Variants in DRD2 observed in about 807,000 individuals in gnomAD.
DRD2 encodes D(2) dopamine receptor.
In DRD2, 8 loss-of-function variants were observed where a neutral mutation model predicts 38.0. The ratio of observed to expected loss-of-function variants is 0.21; its 90% CI spans 0.12 to 0.38. DRD2 has a LOEUF of 0.38. DRD2 is among the 10% of genes least tolerant of loss of function. The probability of loss-of-function intolerance (pLI) is 1.00; values close to 1 mark genes in which losing one functional copy is unlikely to be tolerated. For synonymous variants in DRD2, 230 were observed against 238.6 expected, an observed-to-expected ratio of 0.96 and a Z score of 0.33; for missense variants, 403 against 607.7, an observed-to-expected ratio of 0.66 and a Z score of 3.54.
Position 113,424,604 on chromosome 11 carries a change from C to G in DRD2, c.48G>C (p.Gln16His), listed in dbSNP as rs759561000. 3 of 1,614,234 alleles carry G rather than the reference C, an allele frequency of 1.9e-6. No homozygotes were observed. The East Asian group carries it at 6.7e-5, about 36-fold the overall frequency. ...ACCCGTTGAAGGGCCGGCTCCAGTT[C>G]TGCCTCTCCAGATCATCATCATACC... ...LSWYDDDLER[Q>H]NWSRPFNGSD... Residue 16 changes from glutamine (Q) to histidine (H), a missense_variant, in exon 2 of 8, where the codon CAG (glutamine) becomes CAC (histidine). Around this residue, in one of 4 missense-constraint regions of DRD2, gnomAD observed 162 missense variants for 254.5 expected, o/e 0.64. Transcript: ENST00000362072.
At chr11:113,429,375 GCCAGGACTACAGGTGCCCGCCACCATGT>G (rs1950966417) in intron 1 of DRD2, among the ~76,000 whole-genome samples, 1 of 152,134 alleles carries the variant, frequency 6.6e-6, no homozygotes, top group South Asian at 2.1e-4. Flanking sequence ...CTCCCGAGTA[GCCAGGACTACAGGTGCCCGCCACCATGT>G]CCAGCTAATT....
intron 1 of DRD2, among the ~76,000 whole-genome samples, chr11:113,462,767 C>T (rs1951335456): frequency 6.6e-6 from 1 of 152,258 alleles, no homozygotes; most frequent in South Asian, 2.1e-4. Flanking sequence ...GCTCTACATG[C>T]TTCTGAGCAA....
intron 1 of DRD2, among the ~76,000 whole-genome samples, chr11:113,465,093 C>A (rs1397039539): frequency 6.6e-6 from 1 of 151,636 alleles, no homozygotes; most frequent in Non-Finnish European, 1.5e-5. Flanking sequence ...TCAGTTCCCC[C>A]ACATAGCAGC....
chr11:113,453,743 G>T (rs1951238920), intron 1 of DRD2, among the ~76,000 whole-genome samples: 1 of 152,166 alleles, frequency 6.6e-6, no homozygotes, highest in Admixed American at 6.5e-5. Context: ...GTCCCCCCAG[G>T]CTGGACTCCC....
chr11:113,474,321 T>G (rs1453106690), intron 1 of DRD2: 1 of 152,078 alleles, frequency 6.6e-6, no homozygotes, highest in African/African-American at 2.4e-5. Context: ...GTCTCTTGTC[T>G]CCGCATACCA....
intron 1 of DRD2, among the ~76,000 whole-genome samples, chr11:113,445,061 C>A (rs1393962436): frequency 6.6e-6 from 1 of 152,166 alleles, no homozygotes; most frequent in East Asian, 1.9e-4. Flanking sequence ...GCTGCACACT[C>A]CATCACAAGT....
chr11:113,468,851 C>A (rs577817930), intron 1 of DRD2, among the ~76,000 whole-genome samples: 5 of 152,126 alleles, frequency 3.3e-5, no homozygotes, highest in Non-Finnish European at 7.4e-5. Context: ...TCTGGCTAAT[C>A]AGCTCATTTT....
intron 6 of DRD2, chr11:113,413,344 C>T (rs118039053): frequency 2.1e-5 from 11 of 526,778 alleles, no homozygotes; most frequent in Middle Eastern, 3.1e-4. Flanking sequence ...CCTGCACCTG[C>T]GTACACACGT....
At chr11:113,436,776 T>G (rs2119834913) in intron 1 of DRD2, among the ~76,000 whole-genome samples, 1 of 152,328 alleles carries the variant, frequency 6.6e-6, no homozygotes, top group South Asian at 2.1e-4. Context: ...AATCTGCTCC[T>G]TAACCCTCAC....
At chr11:113,453,776 G>A (rs1951239247) in intron 1 of DRD2, among the ~76,000 whole-genome samples, 1 of 152,208 alleles carries the variant, frequency 6.6e-6, no homozygotes, top group South Asian at 2.1e-4. Context: ...TGGGTCACAT[G>A]ATTTTTTAAA....
At chr11:113,452,459 TGTGTGTGTGTGCGCGCGCGC>T (rs144992427) in intron 1 of DRD2, among the ~76,000 whole-genome samples, 11,854 of 110,548 alleles carry the variant, frequency 0.11, 548 homozygotes, top group African/African-American at 0.13. Flanking sequence ...TGTGTGTGTG[TGTGTGTGTGTGCGCGCGCGC>T]GCGCGCGCAC....
intron 1 of DRD2, among the ~76,000 whole-genome samples, chr11:113,453,586 A>C (rs1951236781): frequency 6.6e-6 from 1 of 152,228 alleles, no homozygotes; most frequent in African/African-American, 2.4e-5. Flanking sequence ...CTATTTATTG[A>C]ATACTTTAGA....
intron 1 of DRD2, among the ~76,000 whole-genome samples, chr11:113,455,354 T>G (rs1951259369): frequency 1.3e-5 from 2 of 152,042 alleles, no homozygotes; most frequent in Admixed American, 1.3e-4. Context: ...AGAGCAAGAC[T>G]CCATCTCAAA....
chr11:113,459,084 G>T (rs1951292946), intron 1 of DRD2, among the ~76,000 whole-genome samples: 1 of 152,226 alleles, frequency 6.6e-6, no homozygotes, highest in South Asian at 2.1e-4. Context: ...GTGTGGCCTT[G>T]ATTAACACTT....
intron 4 of DRD2, 103 bp downstream of exon 4, chr11:113,416,760 C>G: frequency 6.6e-7 from 1 of 1,515,544 alleles, no homozygotes; most frequent in Non-Finnish European, 9.0e-7. Context: ...CTCCATTGGG[C>G]CTCCACCCAT....
Position 113,413,537 on chromosome 11 carries a change from C to T in DRD2, c.811-654G>A, listed in dbSNP as rs575034946. On this transcript the variant is annotated intron_variant, in intron 6 of 7. Coordinates refer to ENST00000362072, the MANE Select transcript of DRD2 (RefSeq NM_000795.4). ...GGTGTTAGTCTGAACTTCTAAAGTG[C>T]AGCCTCACTATGTGCCTAGGTGGCA... Among the ~76,000 whole-genome samples the T allele has an allele frequency of 3.3e-5, 5 of 152,354 alleles. No homozygotes were observed. The East Asian group carries it at 9.6e-4, about 29-fold the overall frequency.
intron 1 of DRD2, among the ~76,000 whole-genome samples, chr11:113,446,989 T>C (rs754474534): frequency 1.3e-5 from 2 of 152,200 alleles, no homozygotes; most frequent in Admixed American, 6.5e-5. Flanking sequence ...ATCTGCAGTC[T>C]TGACTCCTAA....
At chr11:113,424,874 G>A (rs1442355910) in intron 1 of DRD2, 192 bp from the exon 2 acceptor site, 1 of 602,512 alleles carries the variant, frequency 1.7e-6, no homozygotes, top group Non-Finnish European at 2.9e-6. Flanking sequence ...CAGCTGGTAG[G>A]ACAAATGAGC....
chr11:113,413,003 C>T (rs915389465), intron 6 of DRD2, 120 bp from the exon 7 acceptor site: 1 of 1,168,018 alleles, frequency 8.6e-7, no homozygotes, highest in South Asian at 1.4e-5. Context: ...CAGGGTCACC[C>T]TGCCAGGGAG....
Sources: gnomAD v4.1 joint callset for allele counts (sites outside exome capture counted in the v4.1 genomes callset) on GRCh38, gnomAD v4.1.1 for gene constraint, gnomAD v4.1.1 regional missense constraint, MANE v1.5 for transcripts, NCBI Gene and HGNC (gene_info 2026-07-23, HGNC 2026-07-21) for gene names.